GRIN2A: variants seen among roughly 807,000 people sequenced by gnomAD.
GRIN2A encodes the protein glutamate ionotropic receptor NMDA type subunit 2A.
Under a neutral mutation model 113.4 loss-of-function variants are expected in GRIN2A, and 22 were observed. The ratio of observed to expected loss-of-function variants is 0.19; its 90% CI spans 0.14 to 0.28. The LOEUF is 0.28. Ranked by LOEUF, GRIN2A falls within the 10% of genes least tolerant of loss-of-function variation. GRIN2A has a pLI of 1.00. For missense variants in GRIN2A, 1,502 were observed against 1,887.0 expected (o/e 0.80, Z 3.78); for synonymous variants, 827 against 738.4 (o/e 1.12, Z -1.94).
At position 9,861,410 on chromosome 16, in the gene GRIN2A, A is replaced by G. The variant is rs1264426725; in HGVS notation, c.1123-11449T>C. Among the ~76,000 whole-genome samples, 3 of 152,360 alleles carry G rather than the reference A, an allele frequency of 2.0e-5. No homozygotes were observed. The South Asian group carries it at 6.2e-4, about 32-fold the overall frequency. On this transcript the variant is annotated intron_variant, in intron 4 of 12. Transcript: ENST00000330684. ...TTTAGTGTCCATATTTATCATAAGT[A>G]GCAACATGGATTAGCATCACTTCCA...
At chr16:10,085,810 A>G (rs981178364) in intron 2 of GRIN2A, among the ~76,000 whole-genome samples, 3 of 152,138 alleles carry the variant, frequency 2.0e-5, no homozygotes, top group African/African-American at 7.2e-5. Flanking sequence ...TTTCTCTGGG[A>G]TCCCCCTGGC....
At chr16:9,852,820 G>A (rs2141376353) in intron 4 of GRIN2A, among the ~76,000 whole-genome samples, 2 of 152,324 alleles carry the variant, frequency 1.3e-5, no homozygotes, top group South Asian at 2.1e-4. Flanking sequence ...ACTGAGGCCA[G>A]TGTTTGTAGA....
chr16:10,128,697 T>G (rs935826507), intron 2 of GRIN2A, among the ~76,000 whole-genome samples: 1 of 152,198 alleles, frequency 6.6e-6, no homozygotes, highest in Non-Finnish European at 1.5e-5. Flanking sequence ...TAAATATCTT[T>G]ACATGCTAAA....
intron 2 of GRIN2A, among the ~76,000 whole-genome samples, chr16:10,079,368 GA>G (rs1470250014): frequency 3.3e-5 from 5 of 152,322 alleles, no homozygotes; most frequent in Admixed American, 3.3e-4. Flanking sequence ...CCTGAAGAAT[GA>G]GATGGAGACA....
At chr16:10,141,791 T>C (rs139231178) in intron 2 of GRIN2A, among the ~76,000 whole-genome samples, 25 of 152,332 alleles carry the variant, frequency 1.6e-4, no homozygotes, top group Non-Finnish European at 2.5e-4. Context: ...AAGGGCTATT[T>C]TCCACATTTT....
chr16:9,798,542 G>T, intron 10 of GRIN2A, 78 bp from the exon 11 acceptor site: 1 of 1,036,006 alleles, frequency 9.7e-7, no homozygotes, highest in Non-Finnish European at 1.5e-6. Context: ...GCCTGATCCT[G>T]AAAGCATCCC....
intron 2 of GRIN2A, among the ~76,000 whole-genome samples, chr16:10,063,706 C>G (rs2047593623): frequency 6.6e-6 from 1 of 152,132 alleles, no homozygotes; most frequent in Non-Finnish European, 1.5e-5. Context: ...TAGTACAGAA[C>G]CACTGCTTCA....
At chr16:10,066,247 A>G (rs1315246959) in intron 2 of GRIN2A, among the ~76,000 whole-genome samples, 2 of 152,162 alleles carry the variant, frequency 1.3e-5, no homozygotes, top group African/African-American at 4.8e-5. Flanking sequence ...TACTTCTGCT[A>G]CACTGCACAT....
chr16:10,077,455 C>T (rs187798122), intron 2 of GRIN2A, among the ~76,000 whole-genome samples: 83 of 152,294 alleles, frequency 5.4e-4, no homozygotes, highest in Admixed American at 7.2e-4. Context: ...CAGTACATCC[C>T]ACACTCTCAC....
chr16:10,156,309 A>C (rs975326293), intron 2 of GRIN2A, among the ~76,000 whole-genome samples: 1 of 152,266 alleles, frequency 6.6e-6, no homozygotes, highest in Non-Finnish European at 1.5e-5. Flanking sequence ...GCTGTGTAGC[A>C]GAATATAAAT....
intron 2 of GRIN2A, among the ~76,000 whole-genome samples, chr16:10,004,616 T>C (rs1425064489): frequency 1.3e-5 from 2 of 152,172 alleles, no homozygotes; most frequent in Non-Finnish European, 2.9e-5. Context: ...AGAATTGTAA[T>C]CCCAGCATTC....
intron 11 of GRIN2A, among the ~76,000 whole-genome samples, chr16:9,783,291 G>A (rs1432545495): frequency 6.6e-6 from 1 of 152,240 alleles, no homozygotes; most frequent in Admixed American, 6.5e-5. Flanking sequence ...TAAGGAATCA[G>A]GATAGCCATT....
At chr16:10,086,036 T>C (rs1433329392) in intron 2 of GRIN2A, among the ~76,000 whole-genome samples, 3 of 152,204 alleles carry the variant, frequency 2.0e-5, no homozygotes, top group East Asian at 1.9e-4. Flanking sequence ...GGGTGTCCTC[T>C]TGAATGTTAT....
intron 2 of GRIN2A, among the ~76,000 whole-genome samples, chr16:10,159,733 T>C (rs956212519): frequency 6.6e-6 from 1 of 152,218 alleles, no homozygotes; most frequent in Admixed American, 6.5e-5. Flanking sequence ...ATTTTATAGA[T>C]AGCTAAATGA....
At chr16:9,788,713 A>G (rs1268139306) in intron 11 of GRIN2A, among the ~76,000 whole-genome samples, 1 of 148,388 alleles carries the variant, frequency 6.7e-6, no homozygotes, top group East Asian at 2.0e-4. Context: ...TTCTCTTAGG[A>G]GAACTGGACA....
At chr16:10,123,501 C>A (rs575987713) in intron 2 of GRIN2A, among the ~76,000 whole-genome samples, 10 of 152,160 alleles carry the variant, frequency 6.6e-5, no homozygotes, top group African/African-American at 2.2e-4. Flanking sequence ...TCTAAGAACA[C>A]TGATGCTCTA....
At chr16:10,181,199 G>GCACAAACACACGCA (rs2050264342) in intron 1 of GRIN2A, among the ~76,000 whole-genome samples, 1 of 12,944 alleles carries the variant, frequency 7.7e-5, no homozygotes, top group Non-Finnish European at 1.9e-4. Context: ...ACACACACGT[G>GCACAAACACACGCA]CACACACACA....
intron 7 of GRIN2A, among the ~76,000 whole-genome samples, chr16:9,837,011 C>G (rs1237875183): frequency 1.3e-5 from 2 of 152,172 alleles, no homozygotes; most frequent in Non-Finnish European, 2.9e-5. Context: ...AGCTTAGAGG[C>G]ATTACCTGCA....
intron 3 of GRIN2A, among the ~76,000 whole-genome samples, chr16:9,928,496 T>C (rs1383874150): frequency 6.6e-6 from 1 of 152,158 alleles, no homozygotes. Context: ...GCCCAAATCG[T>C]GTCCAGAATG....
Sources: allele counts gnomAD v4.1 joint callset (sites outside exome capture counted in the v4.1 genomes callset), GRCh38; gene constraint gnomAD v4.1.1; transcripts MANE v1.5; gene names NCBI Gene and HGNC (gene_info 2026-07-23, HGNC 2026-07-21).